CACNG6: variants seen among roughly 807,000 people sequenced by gnomAD.
The protein encoded by CACNG6 is voltage-dependent calcium channel gamma-6 subunit.
In CACNG6, 21 loss-of-function variants were observed where a neutral mutation model predicts 23.9. That is an observed-to-expected ratio of 0.88 (90% CI 0.62 to 1.26). The LOEUF (loss-of-function observed/expected upper bound fraction) is 1.26, where lower values mean the gene tolerates loss of function less well. CACNG6 is among the 50% of genes most tolerant of loss of function. CACNG6 has a pLI of 0.00. For missense variants in CACNG6, 340 were observed against 352.9 expected, an observed-to-expected ratio of 0.96 and a Z score of 0.29; for synonymous variants, 182 against 168.9, an observed-to-expected ratio of 1.08 and a Z score of -0.60.
Position 54,012,017 on chromosome 19 carries a change from G to C in CACNG6, c.611G>C (p.Ser204Thr), listed in dbSNP as rs763833590. The change falls in exon 4 of 4, where the codon AGC (serine) becomes ACC (threonine). Residue 204 changes from serine (S) to threonine (T), a missense_variant. Physicochemically the swap from Ser to Thr is moderately conservative, Grantham distance 58. Coordinates refer to ENST00000252729, the MANE Select transcript of CACNG6 (RefSeq NM_145814.2). ...HSVRALLQRVSPEPPPAPRLT... is the reference protein window; with the variant it reads ...HSVRALLQRVTPEPPPAPRLT... ...GTGAGGGCCCTGCTGCAGAGAGTCAGCCCGGAGCCTCCCCCGGCCCCACGC... is the reference window on the plus strand; with the variant it reads ...GTGAGGGCCCTGCTGCAGAGAGTCACCCCGGAGCCTCCCCCGGCCCCACGC... The C allele has an allele frequency of 9.3e-6, 15 of 1,605,040 alleles. No individual in the cohort carries two copies. The highest frequency in any genetic ancestry group is 1.3e-5 in the Non-Finnish European group (15 of 1,176,292).
rs1468366734 is a variant in CACNG6, at chr19:53,992,443, A to AC, written c.-429dup. The AC allele has an allele frequency of 1.3e-5, 2 of 154,940 alleles. No individual in the cohort carries two copies. The highest frequency in any genetic ancestry group is 2.8e-5 in the Non-Finnish European group (2 of 70,482). The allele number at this position is 154,940 out of a possible 1,614,324, so 9.6% of individuals were successfully genotyped here. A position where few individuals can be genotyped will look rare whatever the true frequency, so the allele number is the denominator to read the frequency against. ...AGGAAAACCAGTTTCCCTTTTGTTA[A>AC]CCCCCCAGCGGGGACCCCAAAGCAG... On this transcript the variant is annotated 5_prime_UTR_variant, in exon 1 of 4. Coordinates refer to ENST00000252729, the MANE Select transcript of CACNG6 (RefSeq NM_145814.2). The surrounding 1 kb of genome is among the most constrained non-coding windows in gnomAD (Gnocchi z 4.1).
At chr19:54,011,205 A>AATATATATATATATATATATATAT (rs1555819785) in intron 3 of CACNG6, among the ~76,000 whole-genome samples, 2 of 102,482 alleles carry the variant, frequency 2.0e-5, no homozygotes, top group Non-Finnish European at 3.5e-5. Flanking sequence ...AAAAAAAAAA[A>AATATATATATATATATATATATAT]ATATATATAT....
chr19:53,999,361 A>G (rs1317490477), intron 2 of CACNG6, among the ~76,000 whole-genome samples: 3 of 152,162 alleles, frequency 2.0e-5, no homozygotes, highest in Admixed American at 2.0e-4. Context: ...ACCAGTGGTA[A>G]CCAGATCCTA....
intron 1 of CACNG6, among the ~76,000 whole-genome samples, chr19:53,994,835 T>C (rs1159129448): frequency 6.6e-6 from 1 of 152,210 alleles, no homozygotes. Context: ...TGGGCTACCC[T>C]TGATCATTTT....
chr19:54,003,086 T>G (rs1364454863), intron 3 of CACNG6, among the ~76,000 whole-genome samples: 1 of 152,182 alleles, frequency 6.6e-6, no homozygotes, highest in Non-Finnish European at 1.5e-5. Context: ...GAAAAATGTA[T>G]GACAGGAGAC....
At position 53,992,663 on chromosome 19, in the gene CACNG6, C is replaced by T. The variant is rs2069473403; in HGVS notation, c.-215C>T. On this transcript the variant is annotated 5_prime_UTR_variant, in exon 1 of 4. Transcript: ENST00000252729. The surrounding 1 kb of genome is among the most constrained non-coding windows in gnomAD (Gnocchi z 4.1). ...CCTCCTCTGAACCCCAGAGGCTTCC[C>T]CAGCCCTGGGGATCATTTTTCTCTT... The T allele has an allele frequency of 2.7e-6, 1 of 364,594 alleles. No homozygotes were observed. The highest frequency in any genetic ancestry group is 4.9e-6 in the Non-Finnish European group (1 of 205,146). The allele number at this position is 364,594 out of a possible 1,614,324, so 22.6% of individuals were successfully genotyped here. A position where few individuals can be genotyped will look rare whatever the true frequency, so the allele number is the denominator to read the frequency against.
chr19:54,011,225 T>TACACACACACACAC (rs1325176394), intron 3 of CACNG6, among the ~76,000 whole-genome samples: 5 of 110,370 alleles, frequency 4.5e-5, no homozygotes, highest in African/African-American at 2.1e-4. Flanking sequence ...TATATATATA[T>TACACACACACACAC]ATACACACAC....
At chr19:54,010,321 T>C (rs1276323857) in intron 3 of CACNG6, among the ~76,000 whole-genome samples, 1 of 152,078 alleles carries the variant, frequency 6.6e-6, no homozygotes, top group East Asian at 1.9e-4. Context: ...GCCCAATTTT[T>C]GTATTTTTAG....
intron 3 of CACNG6, among the ~76,000 whole-genome samples, chr19:54,006,461 C>T (rs1206514648): frequency 6.6e-6 from 1 of 151,548 alleles, no homozygotes; most frequent in Non-Finnish European, 1.5e-5. Context: ...CAACTTATCC[C>T]TGTATCTTCA....
chr19:54,012,086 C>A lies in CACNG6; in HGVS notation c.680C>A (p.Ala227Asp). Residue 227 changes from alanine to aspartate, a missense_variant, in exon 4 of 4, where the codon GCC (alanine) becomes GAC (aspartate). Physicochemically the swap from Ala to Asp is moderately radical, Grantham distance 126. Transcript: ENST00000252729. Reference sequence around the variant, plus strand: ...TGGTCCCTGGGCTGCGGCGTGGGGGCCGGCCTGATCCTGCTGTTGGGGGCC... The same window carrying A: ...TGGTCCCTGGGCTGCGGCGTGGGGGACGGCCTGATCCTGCTGTTGGGGGCC... ...YSWSLGCGVG[A>D]GLILLLGAGC... The A allele has an allele frequency of 6.3e-7, 1 of 1,580,066 alleles. No homozygotes were observed. The highest frequency in any genetic ancestry group is 1.9e-5 in the Admixed American group (1 of 53,924).
chr19:54,004,159 G>A (rs287135), intron 3 of CACNG6, among the ~76,000 whole-genome samples: 1 of 151,468 alleles, frequency 6.6e-6, no homozygotes, highest in Non-Finnish European at 1.5e-5. Context: ...ACCCGGCCAA[G>A]TGATACTTTT....
At chr19:53,996,208 T>G (rs1200506485) in intron 1 of CACNG6, among the ~76,000 whole-genome samples, 1 of 152,184 alleles carries the variant, frequency 6.6e-6, no homozygotes, top group Non-Finnish European at 1.5e-5. Context: ...TCGACCTCTC[T>G]TCTCTCTTTC....
intron 3 of CACNG6, among the ~76,000 whole-genome samples, chr19:54,009,412 T>C (rs2069680243): frequency 7.0e-6 from 1 of 143,156 alleles, no homozygotes; most frequent in South Asian, 2.2e-4. Flanking sequence ...ATCATGTCAC[T>C]GCACTCTAGC....
At chr19:53,999,270 A>G (rs2069551711) in intron 2 of CACNG6, among the ~76,000 whole-genome samples, 1 of 152,152 alleles carries the variant, frequency 6.6e-6, no homozygotes, top group East Asian at 1.9e-4. Context: ...TGAGATTTCC[A>G]ACCTGGATCA....
intron 1 of CACNG6, among the ~76,000 whole-genome samples, chr19:53,996,397 C>CTTT (rs200138254): frequency 8.9e-6 from 1 of 112,182 alleles, no homozygotes; most frequent in Non-Finnish European, 1.9e-5. Flanking sequence ...TTCTCTCTCT[C>CTTT]TCTTTTTTTT....
At chr19:54,010,933 AG>A (rs2069699539) in intron 3 of CACNG6, among the ~76,000 whole-genome samples, 2 of 121,424 alleles carry the variant, frequency 1.6e-5, no homozygotes, top group African/African-American at 6.8e-5. Flanking sequence ...TGTGGGAAAC[AG>A]AAGGATGGTT....
Position 53,992,820 on chromosome 19 carries a change from C to T in CACNG6, c.-58C>T. ...CCCCAGGCCGCTCCTCGCTCCCGCC[C>T]CTCGAGGCCCTTCGCCGGCTCTGCC... On this transcript the variant is annotated 5_prime_UTR_variant, in exon 1 of 4. Coordinates refer to ENST00000252729, the MANE Select transcript of CACNG6 (RefSeq NM_145814.2). The surrounding 1 kb of genome is among the most constrained non-coding windows in gnomAD (Gnocchi z 4.1). The T allele has an allele frequency of 8.0e-7, 1 of 1,247,866 alleles. No homozygotes were observed. Among genetic ancestry groups the T allele is most frequent in the Non-Finnish European group, 1.0e-6 (1 of 952,648 alleles). The allele number at this position is 1,247,866 out of a possible 1,614,324, so 77.3% of individuals were successfully genotyped here.
intron 3 of CACNG6, among the ~76,000 whole-genome samples, chr19:54,002,282 T>TG (rs1555818497): frequency 3.3e-4 from 43 of 129,662 alleles, no homozygotes; most frequent in African/African-American, 1.4e-3. Context: ...TTTGTTTTTT[T>TG]TGTTTTTTTT....
At chr19:54,010,753 T>A (rs549584970) in intron 3 of CACNG6, among the ~76,000 whole-genome samples, 4 of 138,616 alleles carry the variant, frequency 2.9e-5, no homozygotes, top group Admixed American at 7.4e-5. Flanking sequence ...TTTTTAAAAT[T>A]TTTTTTTTGT....
Sources: allele counts gnomAD v4.1 joint callset (sites outside exome capture counted in the v4.1 genomes callset), GRCh38; gene constraint gnomAD v4.1.1; non-coding constraint Gnocchi (gnomAD v3.1); transcripts MANE v1.5; gene names NCBI Gene and HGNC (gene_info 2026-07-23, HGNC 2026-07-21).